ZFHX3: variants seen among roughly 807,000 people sequenced by gnomAD.
ZFHX3 encodes zinc finger homeobox 3.
A neutral mutation model predicts 279.1 loss-of-function variants in ZFHX3; 42 were observed. The ratio of observed to expected loss-of-function variants is 0.15; its 90% CI spans 0.12 to 0.19. ZFHX3 has a LOEUF of 0.19. Ranked by LOEUF, ZFHX3 falls within the 10% of genes least tolerant of loss-of-function variation. The pLI is 1.00. For synonymous variants in ZFHX3, 2,293 were observed against 1,957.8 expected, an observed-to-expected ratio of 1.17 and a Z score of -4.52; for missense variants, 4,981 against 4,754.0, an observed-to-expected ratio of 1.05 and a Z score of -1.40.
At chr16:73,671,086 G>T (rs1274369098) in intron 2 of ZFHX3, among the ~76,000 whole-genome samples, 1 of 152,156 alleles carries the variant, frequency 6.6e-6, no homozygotes, top group East Asian at 1.9e-4. Context: ...ATGACTACAC[G>T]AACAAAGGAC....
intron 8 of ZFHX3, among the ~76,000 whole-genome samples, chr16:73,066,611 C>T (rs1248662367): frequency 6.6e-6 from 1 of 152,120 alleles, no homozygotes; most frequent in African/African-American, 2.4e-5. Flanking sequence ...CAGGCCCGGG[C>T]GGAGCAATTC....
intron 4 of ZFHX3, among the ~76,000 whole-genome samples, chr16:72,870,188 T>C (rs998290189): frequency 6.6e-6 from 1 of 150,938 alleles, no homozygotes; most frequent in Non-Finnish European, 1.5e-5. Flanking sequence ...GCCCAGGAGT[T>C]CAAGGCCAGC....
At chr16:73,759,079 G>A (rs540658656) in intron 1 of ZFHX3, among the ~76,000 whole-genome samples, 1 of 152,312 alleles carries the variant, frequency 6.6e-6, no homozygotes, top group South Asian at 2.1e-4. Flanking sequence ...TGGTATATTT[G>A]TTATGACATA....
intron 3 of ZFHX3, among the ~76,000 whole-genome samples, chr16:73,323,889 G>T (rs527824878): frequency 6.6e-6 from 1 of 152,350 alleles, no homozygotes; most frequent in African/African-American, 2.4e-5. Flanking sequence ...CTGGGCTTAA[G>T]AGGATTGGCA....
At position 72,795,017 on chromosome 16, in the gene ZFHX3, G is replaced by A. The variant is rs368694584; in HGVS notation, c.7665C>T (p.Ser2555=). 322 of 1,614,064 alleles carry A rather than the reference G, an allele frequency of 2.0e-4. No individual in the cohort carries two copies. The highest frequency in any genetic ancestry group is 6.9e-4 in the South Asian group (63 of 91,082). Reference sequence around the variant, plus strand: ...GGGGGTGGATGAACTGGTTCTGCGCGCTCAGGAAGTGGAGCTGCTGATGCT... The same window carrying A: ...GGGGGTGGATGAACTGGTTCTGCGCACTCAGGAAGTGGAGCTGCTGATGCT... ...WQEHQQLHFL[S]AQNQFIHPQF... Residue 2555 remains serine (S), a synonymous_variant, in exon 9 of 10, where the codon AGC becomes AGT. Transcript: ENST00000268489.
At chr16:73,217,100 C>T (rs900497950) in intron 5 of ZFHX3, among the ~76,000 whole-genome samples, 1 of 152,110 alleles carries the variant, frequency 6.6e-6, no homozygotes, top group African/African-American at 2.4e-5. Context: ...TAGTTTTGCC[C>T]GTAATAATGT....
rs2143441373 is a variant in ZFHX3, at chr16:72,796,908, C to T, written c.5774G>A (p.Gly1925Asp). 6.2e-7 allele frequency: 1 copy of T among 1,613,924 alleles called. No individual in the cohort carries two copies. The highest frequency in any genetic ancestry group is 1.3e-5 in the African/African-American group (1 of 74,924). ...AGGGAGCATGGAAGGCTCAGAACCA[C>T]CCCCTGGTGCCAACTCTTTCTTCTC... ...AKEKKELAPGGGSEPSMLPPR... is the reference protein window; with the variant it reads ...AKEKKELAPGDGSEPSMLPPR... Residue 1925 changes from glycine (G) to aspartate (D), a missense_variant, in exon 9 of 10, where the codon GGT becomes GAT. This residue lies in a region of ZFHX3 where 1,751 missense variants were observed against 1,770.0 expected (regional missense o/e 0.99). Transcript: ENST00000268489.
chr16:72,807,219 T>A (rs1045163010), intron 7 of ZFHX3: 2 of 152,212 alleles, frequency 1.3e-5, no homozygotes, highest in South Asian at 2.1e-4. Context: ...GTAACTGACA[T>A]TGGGGGAGGG....
intron 1 of ZFHX3, among the ~76,000 whole-genome samples, chr16:73,042,222 C>A (rs1965145052): frequency 2.0e-5 from 3 of 152,168 alleles, no homozygotes; most frequent in Admixed American, 1.3e-4. Flanking sequence ...GATCAACTAT[C>A]AGATTAAGCC....
intron 2 of ZFHX3, among the ~76,000 whole-genome samples, chr16:73,620,828 A>G (rs1039978921): frequency 6.6e-6 from 1 of 152,244 alleles, no homozygotes; most frequent in Non-Finnish European, 1.5e-5. Context: ...GTCAACATTC[A>G]AAGTTAGTAG....
At position 73,430,969 on chromosome 16, in the gene ZFHX3, A is replaced by G. The variant is rs553618163; in HGVS notation, c.-1291+25034T>C. The stretch of plus-strand genomic sequence containing the variant: ...AGTGGGTCACAATTGTGCCTGCTCT[A>G]GAACATAAGGTGTGGATGTTCACTG... On this transcript the variant is annotated intron_variant, in intron 3 of 17. Transcript: ENST00000641206. 3.9e-5 allele frequency among the ~76,000 whole-genome samples: 6 copies of G among 152,352 alleles called. No homozygotes were observed. The East Asian group carries it at 1.2e-3, about 29-fold the overall frequency.
At chr16:72,926,673 T>C (rs573641153) in intron 3 of ZFHX3, among the ~76,000 whole-genome samples, 26 of 152,336 alleles carry the variant, frequency 1.7e-4, no homozygotes, top group Admixed American at 1.5e-3. Flanking sequence ...AAAGATCCCA[T>C]GACATTTCTG....
intron 1 of ZFHX3, among the ~76,000 whole-genome samples, chr16:73,803,673 A>C (rs1387900292): frequency 6.6e-6 from 1 of 152,204 alleles, no homozygotes; most frequent in African/African-American, 2.4e-5. Context: ...ATATTTTGTT[A>C]GACTTATTCT....
At chr16:72,818,218 T>G (rs1056757293) in intron 5 of ZFHX3, among the ~76,000 whole-genome samples, 1 of 152,216 alleles carries the variant, frequency 6.6e-6, no homozygotes, top group African/African-American at 2.4e-5. Context: ...GTGAAATGTG[T>G]GTTTCCCATA....
intron 1 of ZFHX3, among the ~76,000 whole-genome samples, chr16:73,861,590 C>T (rs1961882629): frequency 6.6e-6 from 1 of 152,118 alleles, no homozygotes; most frequent in Non-Finnish European, 1.5e-5. Flanking sequence ...TGTTTATCTT[C>T]TTCCTCCCAC....
rs1273896000 is a variant in ZFHX3, at chr16:72,812,047, G to C, written c.3530-9C>G. On this transcript the variant is annotated splice_polypyrimidine_tract_variant and intron_variant, in intron 5 of 9. Transcript: ENST00000268489. ...TGCTTGGCTGGACGATGCTAAAAGA[G>C]AAAGTAGAAGATGCAATACAGCAGC... The C allele has an allele frequency of 1.2e-6, 2 of 1,613,674 alleles. No individual in the cohort carries two copies. Among genetic ancestry groups the C allele is most frequent in the African/African-American group, 2.7e-5 (2 of 74,900 alleles).
intron 1 of ZFHX3, among the ~76,000 whole-genome samples, chr16:73,784,142 G>A (rs1219659576): frequency 1.3e-5 from 2 of 152,038 alleles, no homozygotes; most frequent in African/African-American, 4.8e-5. Flanking sequence ...AAAAAAAGGA[G>A]ACAGGTAAGC....
At chr16:72,952,644 G>T (rs942777837) in intron 2 of ZFHX3, among the ~76,000 whole-genome samples, 2 of 152,190 alleles carry the variant, frequency 1.3e-5, no homozygotes, top group Admixed American at 6.5e-5. Context: ...GAGACACGAG[G>T]CTCAGCTCCA....
intron 2 of ZFHX3, among the ~76,000 whole-genome samples, chr16:73,473,339 C>CAAAAAAAAA (rs11347779): frequency 0.011 from 876 of 76,258 alleles, 1 homozygote; most frequent in East Asian, 0.018. Flanking sequence ...TGTCTCAAAG[C>CAAAAAAAAA]AAAAAAAAAA....
Sources: allele counts gnomAD v4.1 joint callset (sites outside exome capture counted in the v4.1 genomes callset), GRCh38; gene constraint gnomAD v4.1.1; regional missense constraint gnomAD v4.1.1; transcripts MANE v1.5; gene names NCBI Gene and HGNC (gene_info 2026-07-23, HGNC 2026-07-21).